The following RSPH14 variants were observed in gnomAD, a reference collection of about 807,000 sequenced individuals.
The protein encoded by RSPH14 is radial spoke head 14 homolog, also known as rhabdoid tumor deletion region gene 1.
In RSPH14, 20 loss-of-function variants were observed where a neutral mutation model predicts 26.7. That is an observed-to-expected ratio of 0.75 (90% confidence interval 0.53 to 1.09). The LOEUF is 1.09. RSPH14 is among the 50% of genes least tolerant of loss of function. The pLI, the probability that RSPH14 is intolerant of heterozygous loss-of-function variation, is 0.00. For synonymous variants in RSPH14, 177 were observed against 189.3 expected (o/e 0.93, Z 0.53); for missense variants, 449 against 457.2 (o/e 0.98, Z 0.16).
At chr22:23,118,567 A>G (rs1279748615) in intron 4 of RSPH14, among the ~76,000 whole-genome samples, 2 of 152,144 alleles carry the variant, frequency 1.3e-5, no homozygotes, top group African/African-American at 4.8e-5. Context: ...GTTGGAAAAT[A>G]CCAGGCTCTC....
rs544343689 is a variant in RSPH14 at position 23,061,719 on chromosome 22, G to C, written c.790+90C>G. 8.0e-5 allele frequency: 122 copies of C among 1,530,396 alleles called. No individual in the cohort carries two copies. The East Asian group carries it at 2.7e-3, about 34-fold the overall frequency. The allele number at this position is 1,530,396 out of a possible 1,614,324, so 94.8% of individuals were successfully genotyped here. ...TTTTTTGCAAAGTGTGGAGTTTGGG[G>C]GACGATACCCAGCCCCTGAGTACAG... On this transcript the variant is annotated intron_variant, in intron 6 of 6. Transcript: ENST00000216036.
chr22:23,098,423 C>CA (rs1239104991), intron 4 of RSPH14, among the ~76,000 whole-genome samples: 4 of 152,224 alleles, frequency 2.6e-5, no homozygotes, highest in African/African-American at 9.6e-5. Context: ...TGGGGCCTCA[C>CA]ATCTCTAGCT....
rs2069928888 is a variant in RSPH14 at position 23,118,870 on chromosome 22, A to C, written c.421+15156T>G. Among the ~76,000 whole-genome samples the C allele has an allele frequency of 3.9e-5, 6 of 152,230 alleles. No individual in the cohort carries two copies. In the South Asian group the frequency reaches 1.2e-3, roughly 31 times the overall value. On this transcript the variant is annotated intron_variant, in intron 4 of 6. Transcript: ENST00000216036. ...GGGAGGGCAAAACCCCATGCAGGCCAGGCCAGGCCAGGAAGGAGAACAGAG... is the reference window on the plus strand; with the variant it reads ...GGGAGGGCAAAACCCCATGCAGGCCCGGCCAGGCCAGGAAGGAGAACAGAG...
chr22:23,062,759 C>T (rs1337896629), intron 5 of RSPH14, among the ~76,000 whole-genome samples: 1 of 152,232 alleles, frequency 6.6e-6, no homozygotes. Context: ...TTGCAGAGTC[C>T]TGGGCCCCAC....
At chr22:23,098,487 G>T (rs1022180426) in intron 4 of RSPH14, among the ~76,000 whole-genome samples, 2 of 152,212 alleles carry the variant, frequency 1.3e-5, no homozygotes, top group Non-Finnish European at 2.9e-5. Flanking sequence ...GCCATGGGCA[G>T]GGACAGCAGC....
chr22:23,080,546 G>A (rs1475959475), intron 4 of RSPH14, among the ~76,000 whole-genome samples: 3 of 152,248 alleles, frequency 2.0e-5, no homozygotes, highest in African/African-American at 7.2e-5. Context: ...GGCAAAGAAA[G>A]GAGGACCTGT....
intron 4 of RSPH14, chr22:23,096,515 A>G: frequency 1.5e-6 from 2 of 1,306,918 alleles, no homozygotes; most frequent in East Asian, 2.3e-5. Flanking sequence ...TGCAGCCAGA[A>G]AGGGAACCAG....
At chr22:23,172,007 C>G in the RSPH14 span, among the ~76,000 whole-genome samples, 1 of 152,086 alleles carries the variant, frequency 6.6e-6, no homozygotes, top group Non-Finnish European at 1.5e-5. Context: ...TAAAAAGCAC[C>G]CTTCCTTAAT....
the RSPH14 span, chr22:23,159,267 G>T: frequency 6.4e-7 from 1 of 1,571,374 alleles, no homozygotes; most frequent in Non-Finnish European, 8.6e-7. Flanking sequence ...AGTGGGCCAG[G>T]GCTGTCACCA....
chr22:23,106,419 T>C (rs1472243909), intron 4 of RSPH14, among the ~76,000 whole-genome samples: 2 of 152,132 alleles, frequency 1.3e-5, no homozygotes, highest in Non-Finnish European at 2.9e-5. Flanking sequence ...GAGAAAGTGC[T>C]CTGTGTACAG....
upstream of RSPH14, chr22:23,145,050 C>T: frequency 2.4e-6 from 1 of 415,160 alleles, no homozygotes; most frequent in Non-Finnish European, 4.4e-6. Context: ...AGACTAAGGT[C>T]AGTAGATGGT....
At chr22:23,171,226 A>G in the RSPH14 span, among the ~76,000 whole-genome samples, 4 of 152,220 alleles carry the variant, frequency 2.6e-5, no homozygotes, top group East Asian at 7.8e-4. Flanking sequence ...GTGGCCTCCC[A>G]AAGTGCTGGG....
At chr22:23,174,983 A>C in the RSPH14 span, among the ~76,000 whole-genome samples, 1 of 149,940 alleles carries the variant, frequency 6.7e-6, no homozygotes, top group Non-Finnish European at 1.5e-5. Context: ...AAAAGAAAAA[A>C]AGATTGTAAA....
the RSPH14 span, chr22:23,159,255 T>G: frequency 1.3e-6 from 2 of 1,583,822 alleles, no homozygotes; most frequent in African/African-American, 1.3e-5. Context: ...CCAAGACTGG[T>G]GAGTGGGCCA....
intron 4 of RSPH14, among the ~76,000 whole-genome samples, chr22:23,133,548 C>T (rs374364511): frequency 5.9e-5 from 9 of 152,288 alleles, no homozygotes; most frequent in East Asian, 1.9e-4. Context: ...CTGAAAACAA[C>T]TTGACCAAAT....
the RSPH14 span, chr22:23,180,163 A>G: frequency 4.2e-6 from 1 of 237,752 alleles, no homozygotes; most frequent in South Asian, 1.4e-4. Context: ...ACGCGGCTGG[A>G]CTGGCCGGAG....
At chr22:23,060,448 C>T (rs1254027239) in intron 6 of RSPH14, among the ~76,000 whole-genome samples, 18 of 149,872 alleles carry the variant, frequency 1.2e-4, no homozygotes, top group African/African-American at 4.4e-4. Flanking sequence ...CCAGCCTGGG[C>T]GACAGAGCGA....
chr22:23,099,561 C>G (rs530929735), intron 4 of RSPH14, among the ~76,000 whole-genome samples: 2 of 152,336 alleles, frequency 1.3e-5, no homozygotes, highest in Middle Eastern at 3.4e-3. Flanking sequence ...TGTCACAGAT[C>G]GAGGCACTGA....
chr22:23,162,302 T>C, the RSPH14 span: 1 of 251,772 alleles, frequency 4.0e-6, no homozygotes, highest in East Asian at 1.0e-4. Flanking sequence ...CAGGCCTTTC[T>C]GGCCCACCTG....
Sources: gnomAD v4.1 joint callset for allele counts (sites outside exome capture counted in the v4.1 genomes callset) on GRCh38, gnomAD v4.1.1 for gene constraint, MANE v1.5 for transcripts, NCBI Gene and HGNC (gene_info 2026-07-23, HGNC 2026-07-21) for gene names.